Variants in FHIT observed in about 807,000 individuals in gnomAD.
FHIT encodes bis(5'-adenosyl)-triphosphatase.
A neutral mutation model predicts 17.9 loss-of-function variants in FHIT; 19 were observed. That is an observed-to-expected ratio of 1.06 (90% CI 0.74 to 1.56). The LOEUF (loss-of-function observed/expected upper bound fraction) is 1.56. Ranked by LOEUF, FHIT falls within the 40% of genes most tolerant of loss-of-function variation. The pLI, the probability that FHIT is intolerant of heterozygous loss-of-function variation, is 0.00. For missense variants in FHIT, 248 were observed against 189.2 expected (o/e 1.31, Z -1.82); for synonymous variants, 81 against 69.7 (o/e 1.16, Z -0.81).
At chr3:60,940,942 A>C (rs1708383477) in intron 3 of FHIT, among the ~76,000 whole-genome samples, 1 of 152,204 alleles carries the variant, frequency 6.6e-6, no homozygotes, top group Admixed American at 6.5e-5. Flanking sequence ...CAACAGAAAT[A>C]TCATAGGAGC....
intron 5 of FHIT, among the ~76,000 whole-genome samples, chr3:60,398,873 A>G (rs1701557417): frequency 1.8e-5 from 1 of 55,032 alleles, no homozygotes; most frequent in South Asian, 1.2e-3. Context: ...TTACAAGAAA[A>G]TGTTTTAAAA....
chr3:60,353,023 T>A (rs138324612), intron 5 of FHIT, among the ~76,000 whole-genome samples: 1 of 152,174 alleles, frequency 6.6e-6, no homozygotes, highest in African/African-American at 2.4e-5. Context: ...AGTTGATCAA[T>A]TGATTTGTTT....
At chr3:60,031,553 C>A (rs1701001780) in intron 5 of FHIT, among the ~76,000 whole-genome samples, 1 of 152,270 alleles carries the variant, frequency 6.6e-6, no homozygotes, top group African/African-American at 2.4e-5. Flanking sequence ...TTATCAGTAA[C>A]CTCACCTGCA....
intron 4 of FHIT, among the ~76,000 whole-genome samples, chr3:60,781,553 T>C (rs1365164104): frequency 6.6e-6 from 1 of 152,208 alleles, no homozygotes; most frequent in Non-Finnish European, 1.5e-5. Flanking sequence ...TTCTTCACTA[T>C]TTTTCAACTT....
At chr3:59,995,670 G>C (rs537066802) in intron 7 of FHIT, among the ~76,000 whole-genome samples, 1 of 152,162 alleles carries the variant, frequency 6.6e-6, no homozygotes. Context: ...CCATGCTTTG[G>C]AGAAAAACTG....
chr3:59,885,726 C>A (rs1229676323), intron 8 of FHIT, among the ~76,000 whole-genome samples: 3 of 152,104 alleles, frequency 2.0e-5, no homozygotes, highest in Admixed American at 6.6e-5. Context: ...TGACTTCTTT[C>A]CATGTAAGCC....
intron 4 of FHIT, among the ~76,000 whole-genome samples, chr3:60,700,332 A>G (rs558058466): frequency 6.6e-6 from 1 of 152,274 alleles, no homozygotes; most frequent in South Asian, 2.1e-4. Flanking sequence ...TGATATAGTC[A>G]TTCTTTGCTT....
intron 4 of FHIT, among the ~76,000 whole-genome samples, chr3:60,554,597 T>C (rs1297612971): frequency 6.6e-6 from 1 of 152,168 alleles, no homozygotes; most frequent in Non-Finnish European, 1.5e-5. Flanking sequence ...GGGGTTCCTG[T>C]AGCATCCCTT....
intron 5 of FHIT, among the ~76,000 whole-genome samples, chr3:60,328,339 G>C (rs1347332666): frequency 6.6e-6 from 1 of 152,140 alleles, no homozygotes; most frequent in Non-Finnish European, 1.5e-5. Flanking sequence ...CCTGAGAATG[G>C]GTACTTTATA....
chr3:60,069,031 T>C (rs1270892777), intron 5 of FHIT, among the ~76,000 whole-genome samples: 1 of 152,180 alleles, frequency 6.6e-6, no homozygotes, highest in Non-Finnish European at 1.5e-5. Context: ...TTGTAATTGC[T>C]ATCCTAAGGA....
At chr3:59,755,897 A>G (rs984008157) in intron 8 of FHIT, among the ~76,000 whole-genome samples, 5 of 151,904 alleles carry the variant, frequency 3.3e-5, no homozygotes, top group Admixed American at 6.6e-5. Flanking sequence ...GCTCTCCAAG[A>G]AGGCGAGAGT....
chr3:60,208,378 CA>C (rs5849344), intron 5 of FHIT, among the ~76,000 whole-genome samples: 31,682 of 152,126 alleles, frequency 0.21, 3,640 homozygotes, highest in Middle Eastern at 0.28. Flanking sequence ...CACCTCCCCC[CA>C]AATTGTAAAT....
At chr3:60,191,584 A>C (rs1242953174) in intron 5 of FHIT, among the ~76,000 whole-genome samples, 1 of 152,166 alleles carries the variant, frequency 6.6e-6, no homozygotes, top group East Asian at 1.9e-4. Context: ...AACAGACTCA[A>C]ACACACAGAA....
chr3:60,708,667 C>T (rs910908742), intron 4 of FHIT, among the ~76,000 whole-genome samples: 1 of 152,152 alleles, frequency 6.6e-6, no homozygotes, highest in Admixed American at 6.5e-5. Context: ...AAATTCCAGA[C>T]TTTAGGAGCC....
intron 3 of FHIT, among the ~76,000 whole-genome samples, chr3:61,021,225 C>T (rs1197390477): frequency 6.6e-6 from 1 of 152,192 alleles, no homozygotes; most frequent in Non-Finnish European, 1.5e-5. Context: ...ACAGAATATA[C>T]ATTCTTCTCA....
intron 5 of FHIT, among the ~76,000 whole-genome samples, chr3:60,038,979 G>A (rs1451868455): frequency 6.6e-6 from 1 of 152,102 alleles, no homozygotes; most frequent in African/African-American, 2.4e-5. Context: ...CAGGAATTTT[G>A]GATCATCTCA....
At chr3:60,359,813 G>C (rs528616264) in intron 5 of FHIT, among the ~76,000 whole-genome samples, 1 of 152,136 alleles carries the variant, frequency 6.6e-6, no homozygotes, top group Non-Finnish European at 1.5e-5. Context: ...ACAGGCAAAG[G>C]TCCCAAGATA....
At chr3:60,826,526 A>T (rs1702129656) in intron 3 of FHIT, among the ~76,000 whole-genome samples, 1 of 152,178 alleles carries the variant, frequency 6.6e-6, no homozygotes, top group African/African-American at 2.4e-5. Context: ...GGGTTTCTCC[A>T]TGTTGGTCAG....
chr3:60,170,481 A>G (rs1278570762), intron 5 of FHIT, among the ~76,000 whole-genome samples: 1 of 152,208 alleles, frequency 6.6e-6, no homozygotes, highest in Non-Finnish European at 1.5e-5. Flanking sequence ...ATGTGAAGAA[A>G]TCATTCTAAG....
Sources: gnomAD v4.1 joint callset for allele counts (sites outside exome capture counted in the v4.1 genomes callset) on GRCh38, gnomAD v4.1.1 for gene constraint, MANE v1.5 for transcripts, NCBI Gene and HGNC (gene_info 2026-07-23, HGNC 2026-07-21) for gene names.